The following PTPRD variants were observed in gnomAD, a reference collection of about 807,000 sequenced individuals.
The protein encoded by PTPRD is receptor-type tyrosine-protein phosphatase delta.
Under a neutral mutation model 214.5 loss-of-function variants are expected in PTPRD, and 34 were observed. The ratio of observed to expected loss-of-function variants is 0.16; its 90% CI spans 0.12 to 0.21. The LOEUF (loss-of-function observed/expected upper bound fraction) is 0.21, where lower values mean the gene tolerates loss of function less well. Among genes scored for constraint, PTPRD ranks in the 10% least tolerant of loss-of-function variants. The pLI, the probability that PTPRD is intolerant of heterozygous loss-of-function variation, is 1.00. For synonymous variants in PTPRD, 1,128 were observed against 845.7 expected (o/e 1.33, Z -5.79); for missense variants, 2,545 against 2,398.7 (o/e 1.06, Z -1.27).
chr9:10,209,717 AAAT>A (rs534009117), intron 3 of PTPRD, among the ~76,000 whole-genome samples: 71 of 152,300 alleles, frequency 4.7e-4, no homozygotes, highest in African/African-American at 1.6e-3. Flanking sequence ...TCAAAAGGAA[AAAT>A]AAAAAACAGA....
intron 8 of PTPRD, among the ~76,000 whole-genome samples, chr9:9,465,291 C>A (rs2094043383): frequency 6.6e-6 from 1 of 152,114 alleles, no homozygotes; most frequent in Admixed American, 6.6e-5. Context: ...ACTCTTAAAA[C>A]TTTGCAATAA....
chr9:9,650,639 G>A (rs1351338060), intron 7 of PTPRD, among the ~76,000 whole-genome samples: 1 of 152,082 alleles, frequency 6.6e-6, no homozygotes, highest in Non-Finnish European at 1.5e-5. Flanking sequence ...AATGAAGGGT[G>A]AGAGGAGAGA....
At chr9:9,173,875 G>C (rs541194527) in intron 10 of PTPRD, among the ~76,000 whole-genome samples, 1 of 152,002 alleles carries the variant, frequency 6.6e-6, no homozygotes, top group Non-Finnish European at 1.5e-5. Context: ...GTTCAACACT[G>C]TATCCCAATA....
intron 7 of PTPRD, among the ~76,000 whole-genome samples, chr9:9,633,226 C>T (rs550666260): frequency 1.1e-4 from 17 of 151,456 alleles, no homozygotes; most frequent in African/African-American, 2.7e-4. Flanking sequence ...ACCTGGGAGG[C>T]GGAGGTTGAA....
chr9:9,802,786 T>C (rs112849514), intron 5 of PTPRD, among the ~76,000 whole-genome samples: 4 of 152,006 alleles, frequency 2.6e-5, no homozygotes, highest in African/African-American at 7.2e-5. Flanking sequence ...TTCTAACACA[T>C]GCTGGCAACC....
intron 2 of PTPRD, among the ~76,000 whole-genome samples, chr9:10,589,703 T>C (rs1232911477): frequency 6.6e-6 from 1 of 151,926 alleles, no homozygotes; most frequent in East Asian, 1.9e-4. Context: ...ATGGATACAG[T>C]GGCATCTATG....
intron 8 of PTPRD, among the ~76,000 whole-genome samples, chr9:9,402,919 G>A (rs1346323100): frequency 7.6e-6 from 1 of 131,096 alleles, no homozygotes; most frequent in African/African-American, 2.8e-5. Flanking sequence ...AGGGCATATG[G>A]TATGTGAAAA....
At chr9:9,753,319 T>A (rs2098539762) in intron 6 of PTPRD, among the ~76,000 whole-genome samples, 1 of 151,942 alleles carries the variant, frequency 6.6e-6, no homozygotes. Context: ...CAGGGACCCC[T>A]CTGGACAACA....
chr9:9,831,897 A>G (rs759030218), intron 5 of PTPRD, among the ~76,000 whole-genome samples: 9 of 151,982 alleles, frequency 5.9e-5, no homozygotes, highest in Admixed American at 1.3e-4. Context: ...GGATGATGCA[A>G]TAGATTTCTT....
chr9:9,516,215 A>G (rs1384581543), intron 8 of PTPRD, among the ~76,000 whole-genome samples: 1 of 117,250 alleles, frequency 8.5e-6, no homozygotes, highest in African/African-American at 2.9e-5. Context: ...ACAAAAGGAA[A>G]GTTAATTCTA....
At chr9:9,825,514 A>G (rs1229561387) in intron 5 of PTPRD, among the ~76,000 whole-genome samples, 1 of 151,998 alleles carries the variant, frequency 6.6e-6, no homozygotes, top group Non-Finnish European at 1.5e-5. Flanking sequence ...ACAGGTAGGC[A>G]GTCAGTGCAT....
chr9:9,249,790 C>G (rs1198561936), intron 9 of PTPRD, among the ~76,000 whole-genome samples: 1 of 151,994 alleles, frequency 6.6e-6, no homozygotes, highest in African/African-American at 2.4e-5. Flanking sequence ...GAAGCTGATG[C>G]CTTACATGTA....
chr9:10,270,114 G>C (rs1282336946), intron 3 of PTPRD, among the ~76,000 whole-genome samples: 1 of 152,062 alleles, frequency 6.6e-6, no homozygotes, highest in African/African-American at 2.4e-5. Context: ...GCATGTGTAA[G>C]TTTTAAACAG....
chr9:9,011,848 G>A (rs1043651120), intron 11 of PTPRD, among the ~76,000 whole-genome samples: 1 of 152,092 alleles, frequency 6.6e-6, no homozygotes, highest in African/African-American at 2.4e-5. Flanking sequence ...AGACTCTAAG[G>A]TCTTTCCTTT....
chr9:8,710,040 T>C (rs1161475724), intron 12 of PTPRD, among the ~76,000 whole-genome samples: 1 of 152,208 alleles, frequency 6.6e-6, no homozygotes, highest in Non-Finnish European at 1.5e-5. Flanking sequence ...TCTTAAAGTC[T>C]AGGCTAATAA....
chr9:9,625,470 C>G (rs1053204085), intron 7 of PTPRD, among the ~76,000 whole-genome samples: 3 of 152,074 alleles, frequency 2.0e-5, no homozygotes, highest in African/African-American at 7.2e-5. Context: ...ATAGGCAGCT[C>G]CAGCATCCTG....
At chr9:9,527,670 T>G (rs1238004114) in intron 8 of PTPRD, among the ~76,000 whole-genome samples, 2 of 152,192 alleles carry the variant, frequency 1.3e-5, no homozygotes, top group East Asian at 3.9e-4. Context: ...GCATCTATCC[T>G]TAGTCATTTT....
intron 12 of PTPRD, among the ~76,000 whole-genome samples, chr9:8,685,901 A>G (rs1241781269): frequency 6.6e-6 from 1 of 152,242 alleles, no homozygotes; most frequent in African/African-American, 2.4e-5. Context: ...CTTTAAAAAT[A>G]AAAGACTCAA....
chr9:9,050,657 C>T (rs1269262372), intron 10 of PTPRD, among the ~76,000 whole-genome samples: 2 of 150,030 alleles, frequency 1.3e-5, no homozygotes, highest in Admixed American at 6.7e-5. Flanking sequence ...CTCCTTCCTA[C>T]CTGTGACATG....
Sources: gnomAD v4.1 joint callset for allele counts (sites outside exome capture counted in the v4.1 genomes callset) on GRCh38, gnomAD v4.1.1 for gene constraint, MANE v1.5 for transcripts, NCBI Gene and HGNC (gene_info 2026-07-23, HGNC 2026-07-21) for gene names.